HDAC9: variants seen among roughly 807,000 people sequenced by gnomAD.
HDAC9 encodes the protein MEF-2 interacting transcription repressor (MITR) protein.
HDAC9 carries 41 observed loss-of-function variants against 139.4 expected under a neutral mutation model. That is an observed-to-expected ratio of 0.29 (90% CI 0.23 to 0.38). The LOEUF is 0.38. Among genes scored for constraint, HDAC9 ranks in the 10% least tolerant of loss-of-function variants. HDAC9 has a pLI of 1.00. For missense variants in HDAC9, 1,147 were observed against 1,297.0 expected, an observed-to-expected ratio of 0.88 and a Z score of 1.78; for synonymous variants, 517 against 476.2, an observed-to-expected ratio of 1.09 and a Z score of -1.12.
chr7:18,554,732 C>T (rs1818273019), intron 2 of HDAC9, among the ~76,000 whole-genome samples: 2 of 152,132 alleles, frequency 1.3e-5, no homozygotes, highest in Admixed American at 1.3e-4. Context: ...TCCTACTTAA[C>T]CATCAAGATA....
At chr7:18,299,924 A>G (rs1798422547) in intron 1 of HDAC9, among the ~76,000 whole-genome samples, 1 of 152,210 alleles carries the variant, frequency 6.6e-6, no homozygotes, top group Non-Finnish European at 1.5e-5. Context: ...AGGCTTCTCA[A>G]GAGACTGTCA....
chr7:18,135,752 A>G (rs1294544763), intron 1 of HDAC9, among the ~76,000 whole-genome samples: 19 of 148,790 alleles, frequency 1.3e-4, no homozygotes, highest in East Asian at 5.9e-4. Context: ...GAATAATGCC[A>G]CAATAAACAT....
At chr7:18,090,144 A>C (rs1562607119) in intron 1 of HDAC9, among the ~76,000 whole-genome samples, 1 of 152,174 alleles carries the variant, frequency 6.6e-6, no homozygotes, top group Non-Finnish European at 1.5e-5. Context: ...TTCTCATTTT[A>C]GGAAGGAGGC....
intron 16 of HDAC9, among the ~76,000 whole-genome samples, chr7:18,784,440 G>C (rs548732751): frequency 1.3e-5 from 2 of 151,640 alleles, no homozygotes; most frequent in African/African-American, 4.9e-5. Context: ...AATCCGAGGA[G>C]GCATTTTAGA....
chr7:18,882,641 C>T (rs955618267), intron 22 of HDAC9, among the ~76,000 whole-genome samples: 1 of 147,200 alleles, frequency 6.8e-6, no homozygotes, highest in Non-Finnish European at 1.5e-5. Flanking sequence ...GTTTCCTAAT[C>T]AGCCAAAAAA....
Position 18,602,939 on chromosome 7 carries a change from C to T in HDAC9, c.664+8910C>T, listed in dbSNP as rs139433911. Among the ~76,000 whole-genome samples the T allele has an allele frequency of 6.6e-4, 101 of 152,136 alleles. 1 individual carries two copies. In the East Asian group the frequency reaches 0.013, roughly 19 times the overall value. On this transcript the variant is annotated intron_variant, in intron 6 of 25. Transcript: ENST00000686413. ...TAATAGGTTTGTCTATTTGTCCTTC[C>T]AGTTCTAACAGGTTTTGCCTCATGT...
chr7:18,477,111 C>T (rs1365195376), intron 1 of HDAC9, among the ~76,000 whole-genome samples: 1 of 152,146 alleles, frequency 6.6e-6, no homozygotes, highest in East Asian at 1.9e-4. Context: ...ACAATGTTCA[C>T]CTTTGTGCTC....
chr7:18,254,717 T>G (rs1213727695), intron 2 of HDAC9, among the ~76,000 whole-genome samples: 1 of 152,192 alleles, frequency 6.6e-6, no homozygotes, highest in Non-Finnish European at 1.5e-5. Context: ...GAAGGGAAAT[T>G]TTATAGCATA....
chr7:18,774,153 GTGTCTTAAC>G (rs1790559022), intron 16 of HDAC9, among the ~76,000 whole-genome samples: 2 of 151,774 alleles, frequency 1.3e-5, no homozygotes, highest in African/African-American at 4.8e-5. Context: ...TTGCTATAGA[GTGTCTTAAC>G]TTTAAATAAA....
chr7:18,378,654 T>C (rs1433362508), intron 1 of HDAC9, among the ~76,000 whole-genome samples: 2 of 152,116 alleles, frequency 1.3e-5, no homozygotes, highest in Non-Finnish European at 2.9e-5. Context: ...ACTGTAGATA[T>C]ATATTTATGC....
intron 1 of HDAC9, among the ~76,000 whole-genome samples, chr7:18,408,289 A>G (rs144784108): frequency 6.6e-6 from 1 of 152,312 alleles, no homozygotes; most frequent in African/African-American, 2.4e-5. Context: ...ACAATACATA[A>G]TTCTTGAGTT....
intron 1 of HDAC9, among the ~76,000 whole-genome samples, chr7:18,399,580 C>T (rs577796674): frequency 6.6e-6 from 1 of 152,246 alleles, no homozygotes; most frequent in East Asian, 1.9e-4. Context: ...CACATCATAG[C>T]AACCAGGAAA....
chr7:18,402,936 C>T (rs771051164), intron 1 of HDAC9, among the ~76,000 whole-genome samples: 25 of 152,138 alleles, frequency 1.6e-4, no homozygotes, highest in Non-Finnish European at 2.9e-4. Flanking sequence ...TTATATAAAA[C>T]GCTGGCTGTG....
chr7:18,742,683 A>G (rs1584955665), intron 13 of HDAC9, among the ~76,000 whole-genome samples: 2 of 151,420 alleles, frequency 1.3e-5, no homozygotes, highest in East Asian at 1.9e-4. Flanking sequence ...CTGTATTTTC[A>G]TCTTATTATG....
At chr7:18,107,804 C>G (rs540038539) in intron 1 of HDAC9, among the ~76,000 whole-genome samples, 11 of 152,156 alleles carry the variant, frequency 7.2e-5, no homozygotes, top group Non-Finnish European at 1.5e-4. Context: ...GCTCATTATG[C>G]AGTGGTAGAT....
intron 25 of HDAC9, among the ~76,000 whole-genome samples, chr7:18,980,326 T>G (rs946345946): frequency 6.6e-6 from 1 of 152,200 alleles, no homozygotes; most frequent in Non-Finnish European, 1.5e-5. Context: ...TAAAATAAGA[T>G]GCATAATTTA....
At chr7:18,114,940 G>A (rs1164295284) in intron 1 of HDAC9, among the ~76,000 whole-genome samples, 1 of 152,158 alleles carries the variant, frequency 6.6e-6, no homozygotes, top group Non-Finnish European at 1.5e-5. Context: ...GCAACCATTT[G>A]TTCATACACT....
chr7:18,819,940 G>T (rs541724136), intron 17 of HDAC9, among the ~76,000 whole-genome samples: 2 of 146,484 alleles, frequency 1.4e-5, no homozygotes, highest in African/African-American at 5.5e-5. Context: ...AAAATATAAA[G>T]CAAAGAGTTT....
chr7:18,364,141 A>T (rs76247345), intron 1 of HDAC9, among the ~76,000 whole-genome samples: 1 of 152,242 alleles, frequency 6.6e-6, no homozygotes, highest in Non-Finnish European at 1.5e-5. Context: ...AGTTGGCGTC[A>T]CTGACTTGCT....
Sources: gnomAD v4.1 joint callset for allele counts (sites outside exome capture counted in the v4.1 genomes callset) on GRCh38, gnomAD v4.1.1 for gene constraint, MANE v1.5 for transcripts, NCBI Gene and HGNC (gene_info 2026-07-23, HGNC 2026-07-21) for gene names.